Variants in TMEM135 observed in about 807,000 individuals in gnomAD.
The protein encoded by TMEM135 is peroxisomal membrane protein 52.
In TMEM135, 30 loss-of-function variants were observed where a neutral mutation model predicts 60.3. The ratio of observed to expected loss-of-function variants is 0.50; its 90% confidence interval spans 0.37 to 0.68. The LOEUF (loss-of-function observed/expected upper bound fraction) is 0.68. Ranked by LOEUF, TMEM135 falls within the 30% of genes least tolerant of loss-of-function variation. The pLI, the probability that TMEM135 is intolerant of heterozygous loss-of-function variation, is 0.00. For missense variants in TMEM135, 468 were observed against 548.8 expected, an observed-to-expected ratio of 0.85 and a Z score of 1.47; for synonymous variants, 190 against 186.7, an observed-to-expected ratio of 1.02 and a Z score of -0.14.
intron 4 of TMEM135, among the ~76,000 whole-genome samples, chr11:87,130,295 T>A (rs901341162): frequency 2.6e-5 from 4 of 152,114 alleles, no homozygotes; most frequent in African/African-American, 9.7e-5. Flanking sequence ...TTTGCTTTCA[T>A]GCTTATCAAT....
At chr11:87,215,430 T>C (rs988186019) in intron 5 of TMEM135, among the ~76,000 whole-genome samples, 4 of 152,200 alleles carry the variant, frequency 2.6e-5, no homozygotes, top group Non-Finnish European at 5.9e-5. Context: ...CATGCAGCTA[T>C]AGTTGTTTGG....
intron 5 of TMEM135, among the ~76,000 whole-genome samples, chr11:87,199,510 C>T (rs918333873): frequency 1.2e-4 from 18 of 152,126 alleles, no homozygotes; most frequent in African/African-American, 4.1e-4. Flanking sequence ...CTCACTTGAG[C>T]CTACAGTGGT....
At chr11:87,316,600 A>G (rs1337168266) in intron 12 of TMEM135, among the ~76,000 whole-genome samples, 2 of 152,070 alleles carry the variant, frequency 1.3e-5, no homozygotes, top group Non-Finnish European at 1.5e-5. Context: ...AGATGGAGAG[A>G]ACTATACAGA....
At chr11:87,298,915 G>A (rs1439072915) in intron 7 of TMEM135, among the ~76,000 whole-genome samples, 1 of 151,644 alleles carries the variant, frequency 6.6e-6, no homozygotes. Context: ...GTGAAACCCC[G>A]TCTTTAGTAA....
chr11:87,312,480 T>C (rs1942656180), intron 10 of TMEM135, among the ~76,000 whole-genome samples: 1 of 151,916 alleles, frequency 6.6e-6, no homozygotes, highest in South Asian at 2.1e-4. Context: ...ATTTTTGTTT[T>C]AGATCAGAGG....
In TMEM135 at chr11:87,268,169, C is replaced by CTTTTCTTTTCTTTTCT. The variant is rs1554982587; in HGVS notation, c.510-27610_510-27609insTCTTTTCTTTTCTTTT. On this transcript the variant is annotated intron_variant, in intron 6 of 14. Coordinates refer to ENST00000305494, the MANE Select transcript of TMEM135 (RefSeq NM_022918.4). ...CCTTTCCTTTATTTCCTTTCCTTTCCTTTCTTTTCTTTTCTTTCTTCTTTT... is the reference window on the plus strand; with the variant it reads ...CCTTTCCTTTATTTCCTTTCCTTTCCTTTTCTTTTCTTTTCTTTTCTTTTCTTTTCTTTCTTCTTTT... 1.6e-3 allele frequency among the ~76,000 whole-genome samples: 173 copies of CTTTTCTTTTCTTTTCT among 110,656 alleles called. 8 individuals carry two copies. The highest frequency in any genetic ancestry group is 4.2e-3 in the Admixed American group (45 of 10,670). The allele number at this position is 110,656 out of a possible 152,430, so 72.6% of individuals were successfully genotyped here. A position where few individuals can be genotyped will look rare whatever the true frequency, so the allele number is the denominator to read the frequency against.
intron 5 of TMEM135, among the ~76,000 whole-genome samples, chr11:87,175,452 T>C (rs1257856545): frequency 6.6e-6 from 1 of 152,262 alleles, no homozygotes; most frequent in Non-Finnish European, 1.5e-5. Flanking sequence ...TGTTTAAGTT[T>C]GTTGGCCTTG....
intron 6 of TMEM135, chr11:87,259,134 A>G (rs1368870209): frequency 1.4e-6 from 1 of 705,492 alleles, no homozygotes; most frequent in Non-Finnish European, 2.6e-6. Flanking sequence ...CAGGCCCCAT[A>G]GTCTCTCCGA....
intron 4 of TMEM135, among the ~76,000 whole-genome samples, chr11:87,102,730 ATATATATATG>A (rs1565441815): frequency 2.8e-4 from 31 of 109,742 alleles, no homozygotes; most frequent in African/African-American, 7.3e-4. Flanking sequence ...ATATATATGT[ATATATATATG>A]TATATATGTA....
intron 4 of TMEM135, among the ~76,000 whole-genome samples, chr11:87,092,340 G>T (rs988191834): frequency 6.6e-6 from 1 of 152,066 alleles, no homozygotes; most frequent in Non-Finnish European, 1.5e-5. Flanking sequence ...GGGTGTGTGC[G>T]GTTGGGTCAG....
intron 2 of TMEM135, among the ~76,000 whole-genome samples, chr11:87,069,280 G>T (rs1477191555): frequency 3.9e-5 from 3 of 76,832 alleles, no homozygotes; most frequent in African/African-American, 5.6e-5. Context: ...GTAAGACTCC[G>T]TCTCAAAAAA....
chr11:87,059,894 T>A (rs1385532568), intron 1 of TMEM135, among the ~76,000 whole-genome samples: 2 of 152,148 alleles, frequency 1.3e-5, no homozygotes, highest in African/African-American at 2.4e-5. Flanking sequence ...AGCAGACAGA[T>A]CACGAGGTCA....
chr11:87,119,554 T>G (rs1334722819), intron 4 of TMEM135, among the ~76,000 whole-genome samples: 2 of 152,164 alleles, frequency 1.3e-5, no homozygotes, highest in Non-Finnish European at 2.9e-5. Context: ...AGTACAAAAA[T>G]TAGCTGGTGT....
chr11:87,110,218 A>T (rs1169757194), intron 4 of TMEM135, among the ~76,000 whole-genome samples: 1 of 152,172 alleles, frequency 6.6e-6, no homozygotes, highest in African/African-American at 2.4e-5. Context: ...ATGCAAAAGG[A>T]TATAGATAGT....
At chr11:87,181,973 G>A (rs1324576952) in intron 5 of TMEM135, among the ~76,000 whole-genome samples, 1 of 150,542 alleles carries the variant, frequency 6.6e-6, no homozygotes, top group Non-Finnish European at 1.5e-5. Flanking sequence ...TTTAAAGAGA[G>A]AATTGTTTTC....
At chr11:87,096,037 C>T in intron 4 of TMEM135, 1 of 218,852 alleles carries the variant, frequency 4.6e-6, no homozygotes, top group Admixed American at 4.1e-5. Flanking sequence ...TGTCTGCCAA[C>T]TGTTGAGTCT....
At chr11:87,295,722 G>T in intron 6 of TMEM135, 60 bp from the exon 7 acceptor site, 1 of 1,395,986 alleles carries the variant, frequency 7.2e-7, no homozygotes, top group Non-Finnish European at 9.9e-7. Context: ...GAAAAAAATT[G>T]AATAGGTACT....
At chr11:87,139,590 G>T (rs1938207588) in intron 4 of TMEM135, among the ~76,000 whole-genome samples, 1 of 152,080 alleles carries the variant, frequency 6.6e-6, no homozygotes, top group South Asian at 2.1e-4. Context: ...TGGGCCTCAT[G>T]GTAAGTATAT....
At chr11:87,174,460 CTCTACATA>C in intron 5 of TMEM135, among the ~76,000 whole-genome samples, 1 of 152,040 alleles carries the variant, frequency 6.6e-6, no homozygotes, top group Non-Finnish European at 1.5e-5. Flanking sequence ...ACTTAGTAAG[CTCTACATA>C]ATCTATTAGA....
Sources: gnomAD v4.1 joint callset for allele counts (sites outside exome capture counted in the v4.1 genomes callset) on GRCh38, gnomAD v4.1.1 for gene constraint, MANE v1.5 for transcripts, NCBI Gene and HGNC (gene_info 2026-07-23, HGNC 2026-07-21) for gene names.